TRAPPC10: variants seen among roughly 807,000 people sequenced by gnomAD.
TRAPPC10 encodes the protein trafficking protein particle complex subunit 10, also known as TRAPP 130 kDa subunit.
Under a neutral mutation model 125.5 loss-of-function variants are expected in TRAPPC10, and 23 were observed. That is an observed-to-expected ratio of 0.18 (90% CI 0.13 to 0.26). The LOEUF (loss-of-function observed/expected upper bound fraction) is 0.26. TRAPPC10 is among the 10% of genes least tolerant of loss of function. TRAPPC10 has a pLI of 1.00. For synonymous variants in TRAPPC10, 509 were observed against 518.0 expected, an observed-to-expected ratio of 0.98 and a Z score of 0.24; for missense variants, 1,123 against 1,308.4, an observed-to-expected ratio of 0.86 and a Z score of 2.19.
chr21:44,018,714 G>A (rs934131670), intron 1 of TRAPPC10, among the ~76,000 whole-genome samples: 3 of 150,532 alleles, frequency 2.0e-5, no homozygotes, highest in Admixed American at 6.6e-5. Context: ...AAAAAAGTAT[G>A]TCGGGCATAA....
chr21:44,032,344 T>TGTG (rs1256330153), intron 2 of TRAPPC10, among the ~76,000 whole-genome samples, 172 bp downstream of exon 2: 1 of 152,038 alleles, frequency 6.6e-6, no homozygotes, highest in Non-Finnish European at 1.5e-5. Context: ...TGTGGGTCTT[T>TGTG]GTGGGTCTTA....
intron 2 of TRAPPC10, among the ~76,000 whole-genome samples, chr21:44,037,480 G>A (rs990869784): frequency 6.6e-6 from 1 of 152,092 alleles, no homozygotes; most frequent in Non-Finnish European, 1.5e-5. Flanking sequence ...TATAGATTCC[G>A]TTACACTGAA....
At chr21:44,083,331 T>G in intron 14 of TRAPPC10, 29 bp downstream of exon 14, 4 of 1,599,324 alleles carry the variant, frequency 2.5e-6, no homozygotes, top group Non-Finnish European at 3.4e-6. Flanking sequence ...AACTTGACTT[T>G]CAAGTTTGTA....
chr21:44,026,390 A>G (rs1454859028), intron 1 of TRAPPC10, among the ~76,000 whole-genome samples: 2 of 152,204 alleles, frequency 1.3e-5, no homozygotes, highest in Admixed American at 6.5e-5. Flanking sequence ...CAAATACTTT[A>G]TGCATTATTG....
chr21:44,038,893 A>G (rs2034192786), intron 3 of TRAPPC10, among the ~76,000 whole-genome samples: 1 of 152,108 alleles, frequency 6.6e-6, no homozygotes. Context: ...CAGTGAGGAC[A>G]CACGTGAGGA....
chr21:44,030,937 C>A (rs547274750), intron 1 of TRAPPC10, among the ~76,000 whole-genome samples: 1 of 152,290 alleles, frequency 6.6e-6, no homozygotes, highest in Admixed American at 6.5e-5. Context: ...TTAATCCTCA[C>A]CAGAGCTCCT....
intron 18 of TRAPPC10, among the ~76,000 whole-genome samples, chr21:44,091,062 G>A (rs970530958): frequency 3.3e-5 from 5 of 152,006 alleles, no homozygotes; most frequent in Admixed American, 2.6e-4. Flanking sequence ...ATGGTGGCGG[G>A]CGCCTGTAAT....
At position 44,063,992 on chromosome 21, in the gene TRAPPC10, GTT is replaced by G. The variant is rs2036243161; in HGVS notation, c.1038+209_1038+210del. On this transcript the variant is annotated intron_variant, in intron 7 of 22. Coordinates refer to ENST00000291574, the MANE Select transcript of TRAPPC10 (RefSeq NM_003274.5). This position sits in a 1 kb window ranked among gnomAD's most constrained non-coding sequence, Gnocchi z 4.4. ...AGAACTCTGTTCTCAACATGCTGGA[GTT>G]TGTGCCGGTCCAGAGCAAGCCTCTT... Among the ~76,000 whole-genome samples, 1 of 152,214 alleles carries G rather than the reference GTT, an allele frequency of 6.6e-6. No homozygotes were observed. The highest frequency in any genetic ancestry group is 2.4e-5 in the African/African-American group (1 of 41,450).
chr21:44,074,776 G>A (rs2037150964), intron 8 of TRAPPC10, among the ~76,000 whole-genome samples: 1 of 152,218 alleles, frequency 6.6e-6, no homozygotes, highest in Non-Finnish European at 1.5e-5. Flanking sequence ...GGTGTGTGCA[G>A]CAGGTAGGCT....
chr21:44,037,921 G>A lies in TRAPPC10; in HGVS notation c.279G>A (p.Glu93=). 6.2e-7 allele frequency: 1 copy of A among 1,613,550 alleles called. No individual in the cohort carries two copies. The highest frequency in any genetic ancestry group is 8.5e-7 in the Non-Finnish European group (1 of 1,179,856). ...CCTTCCTCCATATTTACTGGACAGA[G>A]TGCTGTGTGAGTACCAGCAGGGGAA... is the stretch of plus-strand genomic sequence containing the variant. The part of the protein sequence containing the change: ...TFPFLHIYWT[E]CCDTEVYKAT... The change falls in exon 3 of 23, where the codon GAG becomes GAA. Residue 93 remains glutamate, a synonymous_variant. Transcript: ENST00000291574.
intron 2 of TRAPPC10, among the ~76,000 whole-genome samples, chr21:44,037,348 CT>C (rs1188156018): frequency 6.6e-6 from 1 of 152,204 alleles, no homozygotes; most frequent in Admixed American, 6.5e-5. Context: ...CGCCAAATAA[CT>C]TTGTTTCTTG....
intron 7 of TRAPPC10, among the ~76,000 whole-genome samples, chr21:44,072,098 C>G (rs1191651713): frequency 6.6e-6 from 1 of 152,240 alleles, no homozygotes; most frequent in African/African-American, 2.4e-5. Flanking sequence ...TCAAGCTTAC[C>G]AAAGCGGGAC....
At chr21:44,034,785 GAC>G (rs528927571) in intron 2 of TRAPPC10, among the ~76,000 whole-genome samples, 1 of 152,190 alleles carries the variant, frequency 6.6e-6, no homozygotes, top group South Asian at 2.1e-4. Flanking sequence ...CAGAAGAGAA[GAC>G]ACAGACACAG....
intron 3 of TRAPPC10, among the ~76,000 whole-genome samples, chr21:44,050,162 T>A (rs1305837879): frequency 6.6e-6 from 1 of 152,068 alleles, no homozygotes; most frequent in Non-Finnish European, 1.5e-5. Flanking sequence ...CACAGAGTCG[T>A]TTTTAACATG....
intron 9 of TRAPPC10, 60 bp from the exon 10 acceptor site, chr21:44,076,492 A>G (rs2097314168): frequency 5.8e-6 from 8 of 1,375,116 alleles, no homozygotes; most frequent in Non-Finnish European, 8.3e-6. Context: ...AGGTGAATGT[A>G]AAGTCATGTG....
At chr21:44,032,647 G>A (rs62227166) in intron 2 of TRAPPC10, among the ~76,000 whole-genome samples, 13,735 of 152,282 alleles carry the variant, frequency 0.09, 829 homozygotes, top group South Asian at 0.25. Flanking sequence ...CTCTCAAGGT[G>A]CTGGGATTAT....
chr21:44,046,004 C>T (rs776720982), intron 3 of TRAPPC10, among the ~76,000 whole-genome samples: 1 of 151,134 alleles, frequency 6.6e-6, no homozygotes, highest in Non-Finnish European at 1.5e-5. Context: ...TGAGCATATC[C>T]ACCGGAGAGG....
At chr21:44,085,492 C>T (rs1297272355) in intron 15 of TRAPPC10, among the ~76,000 whole-genome samples, 3 of 152,092 alleles carry the variant, frequency 2.0e-5, no homozygotes, top group Admixed American at 6.5e-5. Context: ...GTAAGCCAGT[C>T]GGGGCAGGAT....
intron 7 of TRAPPC10, among the ~76,000 whole-genome samples, chr21:44,073,643 ACTT>A (rs1425039151): frequency 6.6e-6 from 1 of 152,192 alleles, no homozygotes; most frequent in Admixed American, 6.5e-5. Flanking sequence ...GCCAGCCTCT[ACTT>A]CATCTGCATC....
Sources: allele counts gnomAD v4.1 joint callset (sites outside exome capture counted in the v4.1 genomes callset), GRCh38; gene constraint gnomAD v4.1.1; non-coding constraint Gnocchi (gnomAD v3.1); transcripts MANE v1.5; gene names NCBI Gene and HGNC (gene_info 2026-07-23, HGNC 2026-07-21).